The following MAP4K4 variants were observed in gnomAD, a reference collection of about 807,000 sequenced individuals.
MAP4K4 encodes the protein HPK/GCK-like kinase HGK.
In MAP4K4, 38 loss-of-function variants were observed where a neutral mutation model predicts 189.6. That is an observed-to-expected ratio of 0.20 (90% confidence interval 0.15 to 0.26). The LOEUF is 0.26. Among genes scored for constraint, MAP4K4 ranks in the 10% least tolerant of loss-of-function variants. The pLI is 1.00. For synonymous variants in MAP4K4, 610 were observed against 624.3 expected, an observed-to-expected ratio of 0.98 and a Z score of 0.34; for missense variants, 1,054 against 1,726.9, an observed-to-expected ratio of 0.61 and a Z score of 6.91.
intron 14 of MAP4K4, 53 bp downstream of exon 14, chr2:101,859,135 C>T (rs941890201): frequency 2.6e-6 from 4 of 1,526,170 alleles, no homozygotes; most frequent in Admixed American, 1.7e-5. Context: ...TTCATCCGTC[C>T]CCAAAGTTGA....
chr2:101,720,315 A>C (rs928316671), intron 2 of MAP4K4, among the ~76,000 whole-genome samples: 4 of 151,444 alleles, frequency 2.6e-5, no homozygotes, highest in African/African-American at 9.7e-5. Flanking sequence ...CCAGGATTAC[A>C]GGCGCCCGCC....
intron 12 of MAP4K4, among the ~76,000 whole-genome samples, chr2:101,849,554 A>G (rs1489369547): frequency 2.0e-5 from 3 of 149,026 alleles, no homozygotes; most frequent in Non-Finnish European, 1.5e-5. Flanking sequence ...TCCATCTAGT[A>G]TTTATTTGCT....
At chr2:101,795,048 C>T (rs1022484145) in intron 3 of MAP4K4, among the ~76,000 whole-genome samples, 22 of 152,140 alleles carry the variant, frequency 1.4e-4, no homozygotes, top group African/African-American at 4.8e-4. Flanking sequence ...TATTGCCTCA[C>T]GTCAGGGAGT....
chr2:101,770,240 A>ATTTTTTTTTTTTTTTT (rs34574782), intron 2 of MAP4K4, among the ~76,000 whole-genome samples: 2 of 75,158 alleles, frequency 2.7e-5, no homozygotes, highest in Non-Finnish European at 4.8e-5. Context: ...GTTCATTCTG[A>ATTTTTTTTTTTTTTTT]TTTTTTTTTT....
intron 2 of MAP4K4, among the ~76,000 whole-genome samples, chr2:101,786,333 TAAAG>T (rs2091227843): frequency 6.6e-6 from 1 of 152,010 alleles, no homozygotes; most frequent in Non-Finnish European, 1.5e-5. Flanking sequence ...GTTAGAAACA[TAAAG>T]AAAGTTGAAA....
chr2:101,863,927 C>T (rs757272406), exon 17 of MAP4K4: 101 of 1,367,628 alleles, frequency 7.4e-5, no homozygotes, highest in Non-Finnish European at 9.5e-5. Flanking sequence ...CATCTTCGTT[C>T]TCAGGACCCA....
chr2:101,863,744 TTTGGA>T, intron 16 of MAP4K4, 72 bp from the exon 17 acceptor site: 1 of 977,366 alleles, frequency 1.0e-6, no homozygotes, highest in Non-Finnish European at 1.5e-6. Flanking sequence ...CAGTTCCTGC[TTTGGA>T]TTTGGTATTG....
chr2:101,790,156 A>C (rs1222364176), intron 2 of MAP4K4, among the ~76,000 whole-genome samples: 1 of 152,190 alleles, frequency 6.6e-6, no homozygotes, highest in African/African-American at 2.4e-5. Context: ...GCTTCAAAGA[A>C]GACTTTCAGT....
intron 2 of MAP4K4, among the ~76,000 whole-genome samples, chr2:101,737,461 A>ATT (rs1173208424): frequency 2.7e-4 from 7 of 26,006 alleles, no homozygotes; most frequent in Admixed American, 8.2e-4. Context: ...ATATATATAT[A>ATT]TTTTTTTTTT....
intron 18 of MAP4K4, among the ~76,000 whole-genome samples, chr2:101,866,096 G>A (rs936820400): frequency 1.2e-4 from 18 of 152,170 alleles, no homozygotes; most frequent in Non-Finnish European, 2.6e-4. Flanking sequence ...ATACAAATAC[G>A]GAGTGTTTTC....
intron 2 of MAP4K4, among the ~76,000 whole-genome samples, chr2:101,743,596 A>G (rs1181569616): frequency 6.6e-6 from 1 of 152,096 alleles, no homozygotes; most frequent in Non-Finnish European, 1.5e-5. Context: ...CAGACATGAT[A>G]ACATGTTTAC....
At chr2:101,828,182 G>A (rs1381850877) in intron 5 of MAP4K4, among the ~76,000 whole-genome samples, 1 of 152,220 alleles carries the variant, frequency 6.6e-6, no homozygotes, top group African/African-American at 2.4e-5. Context: ...GTGCATGCAA[G>A]CCACATTTGT....
intron 12 of MAP4K4, among the ~76,000 whole-genome samples, chr2:101,845,791 C>T (rs1473520356): frequency 6.6e-6 from 1 of 152,136 alleles, no homozygotes; most frequent in Non-Finnish European, 1.5e-5. Flanking sequence ...GTCCAAATTT[C>T]TCATTCATTA....
rs375062477 is a variant in MAP4K4 at position 101,835,987 on chromosome 2, T to C, written c.773+9T>C. 3.1e-6 allele frequency: 5 copies of C among 1,601,302 alleles called. No individual in the cohort carries two copies. The highest frequency in any genetic ancestry group is 4.3e-6 in the Non-Finnish European group (5 of 1,168,588). On this transcript the variant is annotated intron_variant, in intron 9 of 32. Coordinates refer to ENST00000324219, the Ensembl canonical transcript of MAP4K4. ...CTGAAGTCAAAAAAATGGTAAGCTA[T>C]ATATGGTTTTTTGTTGTTCTTTTCC... is the stretch of plus-strand genomic sequence containing the variant.
intron 5 of MAP4K4, among the ~76,000 whole-genome samples, chr2:101,826,406 A>G (rs938689750): frequency 1.3e-5 from 2 of 152,116 alleles, no homozygotes; most frequent in Non-Finnish European, 2.9e-5. Context: ...CAATTCCCCT[A>G]AGAAGACTAG....
At chr2:101,751,769 G>A (rs1170254314) in intron 2 of MAP4K4, among the ~76,000 whole-genome samples, 7 of 152,224 alleles carry the variant, frequency 4.6e-5, no homozygotes, top group African/African-American at 1.4e-4. Context: ...ACAGACACCT[G>A]TAGGTAGGGT....
rs185472128 is a variant in MAP4K4 at position 101,737,186 on chromosome 2, A to T, written c.123+38648A>T. On this transcript the variant is annotated intron_variant, in intron 2 of 32. Transcript: ENST00000324219. Reference sequence around the variant, plus strand: ...GCTTTTTAAAATCAGTCAGGTGTGTATGTACTTCTGTTGGTCAGAGATGGT... The same window carrying T: ...GCTTTTTAAAATCAGTCAGGTGTGTTTGTACTTCTGTTGGTCAGAGATGGT... 1.8e-3 allele frequency among the ~76,000 whole-genome samples: 279 copies of T among 151,982 alleles called. 2 individuals are homozygous for T. The highest frequency in any genetic ancestry group is 6.1e-3 in the African/African-American group (252 of 41,456).
intron 2 of MAP4K4, among the ~76,000 whole-genome samples, chr2:101,706,150 A>G (rs944168215): frequency 1.3e-5 from 2 of 152,198 alleles, no homozygotes; most frequent in African/African-American, 4.8e-5. Flanking sequence ...CTCCAGAAGC[A>G]TGTTTTCAGT....
chr2:101,763,875 TA>T (rs891377277), intron 2 of MAP4K4, among the ~76,000 whole-genome samples: 5 of 151,650 alleles, frequency 3.3e-5, no homozygotes, highest in Admixed American at 6.6e-5. Context: ...TAATCTGACT[TA>T]AAAAAAAATC....
Sources: gnomAD v4.1 joint callset for allele counts (sites outside exome capture counted in the v4.1 genomes callset) on GRCh38, gnomAD v4.1.1 for gene constraint, MANE v1.5 for transcripts, NCBI Gene and HGNC (gene_info 2026-07-23, HGNC 2026-07-21) for gene names.